PRKN: variants seen among roughly 807,000 people sequenced by gnomAD.
The protein encoded by PRKN is E3 ubiquitin-protein ligase parkin.
A neutral mutation model predicts 59.5 loss-of-function variants in PRKN; 56 were observed. The observed-to-expected ratio is 0.94, with a 90% confidence interval of 0.76 to 1.18. The LOEUF (loss-of-function observed/expected upper bound fraction) is 1.18. PRKN is among the 50% of genes most tolerant of loss of function. The pLI is 0.00. For missense variants in PRKN, 657 were observed against 596.4 expected (o/e 1.10, Z -1.06); for synonymous variants, 250 against 222.1 (o/e 1.13, Z -1.12).
intron 3 of PRKN, among the ~76,000 whole-genome samples, chr6:162,203,713 T>C (rs1784827941): frequency 2.6e-5 from 4 of 152,174 alleles, no homozygotes. Flanking sequence ...GAAACCTTTC[T>C]TGTGGTATGT....
chr6:162,379,915 C>G (rs16893769), intron 2 of PRKN, among the ~76,000 whole-genome samples: 8 of 152,236 alleles, frequency 5.3e-5, no homozygotes, highest in African/African-American at 1.7e-4. Flanking sequence ...AGGTTGAATT[C>G]CGAGGTGAAC....
At chr6:162,609,853 T>C (rs1386072943) in intron 1 of PRKN, among the ~76,000 whole-genome samples, 2 of 152,196 alleles carry the variant, frequency 1.3e-5, no homozygotes, top group East Asian at 3.8e-4. Context: ...GAATAAATGG[T>C]AGGCAGCTGT....
intron 2 of PRKN, among the ~76,000 whole-genome samples, chr6:162,416,847 A>G (rs1367560156): frequency 6.6e-6 from 1 of 152,194 alleles, no homozygotes; most frequent in Non-Finnish European, 1.5e-5. Flanking sequence ...GTACACAGAA[A>G]ATATACTAAA....
chr6:161,743,213 CTTTTTTTTTTT>C (rs768890758), intron 7 of PRKN, among the ~76,000 whole-genome samples: 2 of 84,552 alleles, frequency 2.4e-5, no homozygotes, highest in Non-Finnish European at 2.2e-5. Flanking sequence ...TGGTTTCTAC[CTTTTTTTTTTT>C]TTTTTTTTTT....
At chr6:161,747,554 T>C (rs1424700287) in intron 7 of PRKN, among the ~76,000 whole-genome samples, 1 of 152,178 alleles carries the variant, frequency 6.6e-6, no homozygotes, top group Non-Finnish European at 1.5e-5. Flanking sequence ...CAGCCAAATA[T>C]TAATTGAAAC....
At chr6:161,928,615 A>AT (rs1332642790) in intron 6 of PRKN, among the ~76,000 whole-genome samples, 1 of 152,220 alleles carries the variant, frequency 6.6e-6, no homozygotes, top group Non-Finnish European at 1.5e-5. Flanking sequence ...TATATAACAT[A>AT]TAACAAGATA....
chr6:162,131,972 C>T (rs755364994), intron 4 of PRKN, among the ~76,000 whole-genome samples: 9 of 152,112 alleles, frequency 5.9e-5, no homozygotes, highest in African/African-American at 1.2e-4. Context: ...ACACCAACAC[C>T]GCCGACGTGT....
In PRKN at chr6:162,056,352, A is replaced by G. The variant is rs1365630199; in HGVS notation, c.535-2178T>C. 6.6e-6 allele frequency among the ~76,000 whole-genome samples: 1 copy of G among 151,764 alleles called. No homozygotes were observed. The highest frequency in any genetic ancestry group is 2.4e-5 in the African/African-American group (1 of 41,306). ...ACAATACCACACAGCACACAGGCAT[A>G]CACATACTACATACACTCACACACT... On this transcript the variant is annotated intron_variant, in intron 4 of 11. Transcript: ENST00000366898. This position sits in a 1 kb window ranked among gnomAD's most constrained non-coding sequence, Gnocchi z 4.9.
chr6:162,556,223 A>T (rs1410771373), intron 1 of PRKN, among the ~76,000 whole-genome samples: 1 of 152,106 alleles, frequency 6.6e-6, no homozygotes, highest in African/African-American at 2.4e-5. Flanking sequence ...CCTGTTGCAC[A>T]AGAAGTTATT....
At chr6:161,394,367 T>C (rs779823137) in intron 9 of PRKN, among the ~76,000 whole-genome samples, 3 of 151,996 alleles carry the variant, frequency 2.0e-5, no homozygotes, top group Non-Finnish European at 4.4e-5. Flanking sequence ...CACGTTCCTT[T>C]GTCTTTCACA....
chr6:161,435,408 G>A lies in PRKN; in HGVS notation c.1084-48531C>T, dbSNP rs954534782. Among the ~76,000 whole-genome samples, 6 of 152,158 alleles carry A rather than the reference G, an allele frequency of 3.9e-5. No individual in the cohort carries two copies. The East Asian group carries it at 9.6e-4, about 24-fold the overall frequency. Reference sequence around the variant, plus strand: ...GGATCGTGTGAAGGTAAGTGAAGTCGTTTTGTTAATGTTGTTTATAAAGAA... The same window carrying A: ...GGATCGTGTGAAGGTAAGTGAAGTCATTTTGTTAATGTTGTTTATAAAGAA... On this transcript the variant is annotated intron_variant, in intron 9 of 11. Transcript: ENST00000366898.
chr6:161,584,426 ATTAG>A lies in PRKN; in HGVS notation c.872-15014_872-15011del, dbSNP rs1477696991. ...AAAGCACAAAAATCTATTTTGTAAG[ATTAG>A]TTAATTTAATATAATAATAGTTCTT... On this transcript the variant is annotated intron_variant, in intron 7 of 11. Transcript: ENST00000366898. This position sits in a 1 kb window ranked among gnomAD's most constrained non-coding sequence, Gnocchi z 4.8. Among the ~76,000 whole-genome samples, 2 of 152,202 alleles carry A rather than the reference ATTAG, an allele frequency of 1.3e-5. No individual in the cohort carries two copies. Among genetic ancestry groups the A allele is most frequent in the African/African-American group, 4.8e-5 (2 of 41,456 alleles).
In PRKN at chr6:161,723,630, T is replaced by C. The variant is rs1477312424; in HGVS notation, c.871+62142A>G. On this transcript the variant is annotated intron_variant, in intron 7 of 11. Transcript: ENST00000366898. The stretch of plus-strand genomic sequence containing the variant: ...AGACAGACACTTTCTTTCACGACTG[T>C]AGACATGATCAATGGCCTGCACAAA... 5.3e-5 allele frequency among the ~76,000 whole-genome samples: 8 copies of C among 152,124 alleles called. No individual in the cohort carries two copies. The East Asian group carries it at 1.5e-3, about 29-fold the overall frequency.
chr6:162,723,220 G>T (rs1779002334), intron 1 of PRKN, among the ~76,000 whole-genome samples: 1 of 152,196 alleles, frequency 6.6e-6, no homozygotes, highest in Non-Finnish European at 1.5e-5. Flanking sequence ...GTACATAGCA[G>T]GTGCTGGAAT....
intron 6 of PRKN, among the ~76,000 whole-genome samples, chr6:161,916,073 G>T (rs115284909): frequency 4.6e-5 from 7 of 152,080 alleles, no homozygotes. Context: ...AAAAGAAAAA[G>T]AAAGGAACAT....
At chr6:161,657,669 C>T (rs1784399352) in intron 7 of PRKN, among the ~76,000 whole-genome samples, 1 of 152,078 alleles carries the variant, frequency 6.6e-6, no homozygotes, top group Non-Finnish European at 1.5e-5. Flanking sequence ...CTTGACACAG[C>T]CTCACTCGAC....
At chr6:162,252,851 T>C (rs185443347) in intron 3 of PRKN, among the ~76,000 whole-genome samples, 98 of 152,390 alleles carry the variant, frequency 6.4e-4, no homozygotes, top group Non-Finnish European at 1.2e-3. Flanking sequence ...GAATGAACTA[T>C]ATTTCCCATT....
In PRKN at chr6:162,182,488, A is replaced by G. The variant is rs76810814; in HGVS notation, c.534+18643T>C. Among the ~76,000 whole-genome samples the G allele has an allele frequency of 9.9e-3, 1,503 of 152,184 alleles. 26 individuals carry two copies. The highest frequency in any genetic ancestry group is 0.034 in the African/African-American group (1,392 of 41,510). On this transcript the variant is annotated intron_variant, in intron 4 of 11. Coordinates refer to ENST00000366898, the MANE Select transcript of PRKN (RefSeq NM_004562.3). ...GTGGATCTACCGGGAGTCTACTGAC[A>G]TGGGACAGTGAAGAACCACCTGGGA...
chr6:162,359,077 A>ATATATATAT (rs61153926), intron 2 of PRKN, among the ~76,000 whole-genome samples: 9 of 96,236 alleles, frequency 9.4e-5, no homozygotes, highest in African/African-American at 2.3e-4. Flanking sequence ...AAAAAAAAAA[A>ATATATATAT]AAATATATAT....
Sources: allele counts gnomAD v4.1 joint callset (sites outside exome capture counted in the v4.1 genomes callset), GRCh38; gene constraint gnomAD v4.1.1; non-coding constraint Gnocchi (gnomAD v3.1); transcripts MANE v1.5; gene names NCBI Gene and HGNC (gene_info 2026-07-23, HGNC 2026-07-21).